NAA15: variants seen among roughly 807,000 people sequenced by gnomAD.
NAA15 encodes N-terminal acetyltransferase.
In NAA15, 34 loss-of-function variants were observed where a neutral mutation model predicts 114.0. That is an observed-to-expected ratio of 0.30 (90% CI 0.23 to 0.40). The LOEUF is 0.40. Ranked by LOEUF, NAA15 falls within the 10% of genes least tolerant of loss-of-function variation. The probability of loss-of-function intolerance (pLI) is 1.00; values close to 1 mark genes in which losing one functional copy is unlikely to be tolerated. For synonymous variants in NAA15, 340 were observed against 338.0 expected, an observed-to-expected ratio of 1.01 and a Z score of -0.06; for missense variants, 658 against 1,004.5, an observed-to-expected ratio of 0.66 and a Z score of 4.66.
Position 139,341,427 on chromosome 4 carries a change from C to G in NAA15, c.402+358C>G, listed in dbSNP as rs536976576. Among the ~76,000 whole-genome samples the G allele has an allele frequency of 9.3e-4, 141 of 151,220 alleles. 1 individual carries two copies. The highest frequency in any genetic ancestry group is 3.3e-3 in the African/African-American group (138 of 41,244). ...TGCCTAACACAGTGAAACCCCATCTCTACTAAAAATACAAAAAATTAGCTA... is the reference window on the plus strand; with the variant it reads ...TGCCTAACACAGTGAAACCCCATCTGTACTAAAAATACAAAAAATTAGCTA... On this transcript the variant is annotated intron_variant, in intron 4 of 19. Coordinates refer to ENST00000296543, the MANE Select transcript of NAA15 (RefSeq NM_057175.5).
chr4:139,364,178 T>C (rs993515828), intron 14 of NAA15, among the ~76,000 whole-genome samples: 1 of 152,236 alleles, frequency 6.6e-6, no homozygotes, highest in African/African-American at 2.4e-5. Flanking sequence ...GTTTGACCAA[T>C]TTCTAGATTT....
In NAA15 at chr4:139,350,744, C is replaced by G. The variant is rs574597878; in HGVS notation, c.812-447C>G. Among the ~76,000 whole-genome samples the G allele has an allele frequency of 1.4e-4, 21 of 152,230 alleles. No homozygotes were observed. The South Asian group carries it at 3.7e-3, about 27-fold the overall frequency. On this transcript the variant is annotated intron_variant, in intron 7 of 19. Coordinates refer to ENST00000296543, the MANE Select transcript of NAA15 (RefSeq NM_057175.5). ...GAATCTAAGATAGACGTAATTGCTG[C>G]CATGAAACATGAATAGTTAGGAGAA...
intron 15 of NAA15, among the ~76,000 whole-genome samples, chr4:139,373,297 CT>C (rs1748495108): frequency 1.3e-5 from 2 of 152,176 alleles, no homozygotes; most frequent in Non-Finnish European, 2.9e-5. Flanking sequence ...GGCTACAAAC[CT>C]GTATAGCATG....
At chr4:139,371,659 A>C (rs1748443539) in intron 15 of NAA15, among the ~76,000 whole-genome samples, 4 of 152,082 alleles carry the variant, frequency 2.6e-5, no homozygotes, top group Admixed American at 2.0e-4. Flanking sequence ...ATTTATTGGA[A>C]GACTGCACAG....
rs977753698 is a variant in NAA15 at position 139,355,811 on chromosome 4, A to T, written c.1088-1575A>T. Among the ~76,000 whole-genome samples the T allele has an allele frequency of 5.0e-4, 76 of 152,320 alleles. 1 individual carries two copies. Among genetic ancestry groups the T allele is most frequent in the African/African-American group, 1.7e-3 (72 of 41,572 alleles). ...GAGTGAGATTCTTACAGGTGGTGGC[A>T]TATTCTTCTATTAGTAGGCATACGT... On this transcript the variant is annotated intron_variant, in intron 10 of 19. Transcript: ENST00000296543.
At chr4:139,346,099 T>C (rs1747573615) in intron 6 of NAA15, among the ~76,000 whole-genome samples, 1 of 151,946 alleles carries the variant, frequency 6.6e-6, no homozygotes, top group African/African-American at 2.4e-5. Context: ...GACTGGGGAG[T>C]GATCCAATAG....
At chr4:139,375,869 T>C (rs1455920326) in intron 15 of NAA15, among the ~76,000 whole-genome samples, 3 of 149,336 alleles carry the variant, frequency 2.0e-5, no homozygotes, top group African/African-American at 7.7e-5. Flanking sequence ...TCACCATTAA[T>C]ATGTCATTTG....
chr4:139,378,847 T>C lies in NAA15; in HGVS notation c.2148T>C (p.Phe716=). ...PWLHECMIRL[F]NTAVCESKDL... ...TTCATGAGTGTATGATTCGTCTCTT[T>C]AATACTGGTATGTTTTTGTTTTCCA... is the stretch of plus-strand genomic sequence containing the variant. The change falls in exon 17 of 20, where the codon TTT becomes TTC. Residue 716 remains phenylalanine (F), a synonymous_variant. Coordinates refer to ENST00000296543, the MANE Select transcript of NAA15 (RefSeq NM_057175.5). The C allele has an allele frequency of 1.3e-6, 2 of 1,547,602 alleles. No individual in the cohort carries two copies. Among genetic ancestry groups the C allele is most frequent in the Non-Finnish European group, 8.7e-7 (1 of 1,153,798 alleles).
At position 139,357,559 on chromosome 4, in the gene NAA15, A is replaced by G. The variant is rs1239874566; in HGVS notation, c.1257+4A>G. The G allele has an allele frequency of 1.9e-6, 3 of 1,574,344 alleles. No homozygotes were observed. The highest frequency in any genetic ancestry group is 2.6e-6 in the Non-Finnish European group (3 of 1,152,400). ...CGTGAAAGCTAAAATCTATAAGGTA[A>G]AAATCTTTTTTTCTATTTTCTTATA... On this transcript the variant is annotated splice_donor_region_variant and intron_variant, in intron 11 of 19. Transcript: ENST00000296543.
chr4:139,359,379 G>A (rs1748064744), intron 11 of NAA15, among the ~76,000 whole-genome samples: 1 of 151,942 alleles, frequency 6.6e-6, no homozygotes. Context: ...CACCCGGCTC[G>A]GCCTCCCAAA....
chr4:139,310,953 G>C (rs961750269), intron 1 of NAA15, among the ~76,000 whole-genome samples: 3 of 151,664 alleles, frequency 2.0e-5, no homozygotes, highest in Non-Finnish European at 4.4e-5. Context: ...GTCTTACTCT[G>C]TTGCCCAGGC....
intron 1 of NAA15, among the ~76,000 whole-genome samples, chr4:139,304,826 C>T (rs1745954777): frequency 6.6e-6 from 1 of 152,078 alleles, no homozygotes; most frequent in Admixed American, 6.6e-5. Context: ...AGAACCACAT[C>T]CATTATCTCT....
rs781488995 is a variant in NAA15 at position 139,357,550 on chromosome 4, T to C, written c.1252T>C (p.Tyr418His). Residue 418 changes from tyrosine to histidine, a missense_variant, in exon 11 of 20, where the codon TAT becomes CAT. This residue lies in a region of NAA15 where 281 missense variants were observed against 389.1 expected (regional missense o/e 0.72). Transcript: ENST00000296543. ...ACTCTTTCTCGTGAAAGCTAAAATC[T>C]ATAAGGTAAAAATCTTTTTTTCTAT... Reference protein sequence around the residue: ...IELFLVKAKIYKHAGNIKEAA... With the variant: ...IELFLVKAKIHKHAGNIKEAA... 6.3e-7 allele frequency: 1 copy of C among 1,592,262 alleles called. No homozygotes were observed. Among genetic ancestry groups the C allele is most frequent in the East Asian group, 2.2e-5 (1 of 44,632 alleles).
intron 1 of NAA15, among the ~76,000 whole-genome samples, chr4:139,307,197 A>G (rs1477925098): frequency 1.3e-5 from 2 of 152,238 alleles, no homozygotes; most frequent in African/African-American, 4.8e-5. Flanking sequence ...ACTGCACAGT[A>G]GAATTTTCTG....
intron 1 of NAA15, among the ~76,000 whole-genome samples, chr4:139,311,214 G>A (rs1474708502): frequency 6.6e-6 from 1 of 151,754 alleles, no homozygotes; most frequent in East Asian, 1.9e-4. Flanking sequence ...TTACTTTTAT[G>A]TTTATCACGT....
chr4:139,370,151 T>TA, intron 14 of NAA15, 60 bp from the exon 15 acceptor site: 1 of 1,293,722 alleles, frequency 7.7e-7, no homozygotes, highest in Admixed American at 3.2e-5. Context: ...AAATAATACT[T>TA]AAAATTACTA....
intron 18 of NAA15, among the ~76,000 whole-genome samples, chr4:139,385,273 A>T (rs1269357709): frequency 1.1e-5 from 1 of 94,618 alleles, no homozygotes; most frequent in Non-Finnish European, 2.1e-5. Context: ...AACCAAACAT[A>T]TATATATATA....
At chr4:139,343,664 A>G (rs998096390) in intron 5 of NAA15, among the ~76,000 whole-genome samples, 1 of 152,262 alleles carries the variant, frequency 6.6e-6, no homozygotes, top group African/African-American at 2.4e-5. Context: ...TGCGTTCATT[A>G]CATCAAGAGG....
chr4:139,331,276 T>C (rs1027498452), intron 1 of NAA15, among the ~76,000 whole-genome samples: 1 of 152,310 alleles, frequency 6.6e-6, no homozygotes, highest in Admixed American at 6.5e-5. Flanking sequence ...GTATTTGCCT[T>C]CTTGTTGCTT....
Sources: gnomAD v4.1 joint callset for allele counts (sites outside exome capture counted in the v4.1 genomes callset) on GRCh38, gnomAD v4.1.1 for gene constraint, gnomAD v4.1.1 regional missense constraint, MANE v1.5 for transcripts, NCBI Gene and HGNC (gene_info 2026-07-23, HGNC 2026-07-21) for gene names.